The following HTR1F variants were observed in gnomAD, a reference collection of about 807,000 sequenced individuals.
HTR1F encodes 5-hydroxytryptamine (serotonin) receptor 1F, G protein-coupled.
In HTR1F, 17 loss-of-function variants were observed where a neutral mutation model predicts 24.0. The observed-to-expected ratio is 0.71, with a 90% CI of 0.48 to 1.06. The LOEUF (loss-of-function observed/expected upper bound fraction) is 1.06. Ranked by LOEUF, HTR1F falls within the 50% of genes least tolerant of loss-of-function variation. The pLI, the probability that HTR1F is intolerant of heterozygous loss-of-function variation, is 0.00. For missense variants in HTR1F, 391 were observed against 427.8 expected (o/e 0.91, Z 0.76); for synonymous variants, 186 against 156.8 (o/e 1.19, Z -1.39).
intron 1 of HTR1F, among the ~76,000 whole-genome samples, chr3:87,795,649 A>G (rs555449785): frequency 9.8e-5 from 15 of 152,312 alleles, no homozygotes; most frequent in African/African-American, 3.6e-4. Flanking sequence ...CTAGAACCAC[A>G]GTTCCCGTGC....
At chr3:87,872,514 T>G (rs760984829) in intron 2 of HTR1F, among the ~76,000 whole-genome samples, 40 of 152,080 alleles carry the variant, frequency 2.6e-4, no homozygotes, top group Non-Finnish European at 4.3e-4. Context: ...TCAATATATT[T>G]GGCAAACCCT....
At chr3:87,855,930 A>G (rs1705188589) in intron 2 of HTR1F, among the ~76,000 whole-genome samples, 1 of 151,950 alleles carries the variant, frequency 6.6e-6, no homozygotes, top group Non-Finnish European at 1.5e-5. Flanking sequence ...ATTTTTCTTT[A>G]TAATGGCCCT....
intron 2 of HTR1F, among the ~76,000 whole-genome samples, chr3:87,853,494 A>C (rs888043926): frequency 6.6e-6 from 1 of 152,064 alleles, no homozygotes; most frequent in Non-Finnish European, 1.5e-5. Flanking sequence ...GGTTGATTCC[A>C]TGTCATTGCT....
chr3:87,923,231 C>T (rs1203555214), intron 2 of HTR1F, among the ~76,000 whole-genome samples: 6 of 151,650 alleles, frequency 4.0e-5, no homozygotes, highest in Non-Finnish European at 8.9e-5. Flanking sequence ...GCTCAGGATC[C>T]CATTAGCCAT....
intron 2 of HTR1F, among the ~76,000 whole-genome samples, chr3:87,832,561 C>CA (rs2107156407): frequency 6.6e-6 from 1 of 152,290 alleles, no homozygotes; most frequent in East Asian, 1.9e-4. Context: ...CTCCTGAACT[C>CA]AGGCAGTCCG....
chr3:87,890,764 A>T lies in HTR1F; in HGVS notation c.-43+68640A>T, dbSNP rs563918468. Among the ~76,000 whole-genome samples the T allele has an allele frequency of 4.4e-4, 67 of 152,290 alleles. No individual in the cohort carries two copies. The South Asian group carries it at 0.013, about 29-fold the overall frequency. ...ATTCCAAAATAGAGTTTATTATTTT[A>T]AAAAGTACACAAATATTGATGCTAG... is the stretch of plus-strand genomic sequence containing the variant. On this transcript the variant is annotated intron_variant, in intron 2 of 2. Transcript: ENST00000319595.
chr3:87,899,168 T>A (rs1864617), intron 2 of HTR1F, among the ~76,000 whole-genome samples: 1 of 152,008 alleles, frequency 6.6e-6, no homozygotes, highest in Non-Finnish European at 1.5e-5. Context: ...CCTTTGACAA[T>A]GCTAGGCAAG....
At chr3:87,835,202 GC>G (rs1156981085) in intron 2 of HTR1F, among the ~76,000 whole-genome samples, 2 of 152,092 alleles carry the variant, frequency 1.3e-5, no homozygotes, top group Non-Finnish European at 2.9e-5. Context: ...TCTGCTCAGG[GC>G]TGGCTACATA....
chr3:87,873,133 C>CACACAGAGAG (rs370152361), intron 2 of HTR1F, among the ~76,000 whole-genome samples: 6,826 of 129,874 alleles, frequency 0.053, 189 homozygotes, highest in South Asian at 0.072. Context: ...CACACACACA[C>CACACAGAGAG]AGAGAGATTT....
chr3:87,821,748 A>C (rs1704363408), intron 1 of HTR1F, among the ~76,000 whole-genome samples: 1 of 152,148 alleles, frequency 6.6e-6, no homozygotes, highest in Admixed American at 6.5e-5. Context: ...TTAATTACAA[A>C]AGGAATAAGC....
At chr3:87,923,935 G>A (rs1704067667) in intron 2 of HTR1F, among the ~76,000 whole-genome samples, 1 of 152,022 alleles carries the variant, frequency 6.6e-6, no homozygotes, top group Admixed American at 6.6e-5. Context: ...GTTCATTGAG[G>A]ATATTGGCCT....
chr3:87,902,795 G>T (rs1706358004), intron 2 of HTR1F, among the ~76,000 whole-genome samples: 1 of 127,434 alleles, frequency 7.8e-6, no homozygotes, highest in Admixed American at 1.0e-4. Context: ...TCCCCTTCCT[G>T]TGTCCATGTG....
intron 2 of HTR1F, among the ~76,000 whole-genome samples, chr3:87,883,844 T>A (rs1260364854): frequency 2.0e-5 from 3 of 152,088 alleles, no homozygotes; most frequent in Admixed American, 1.3e-4. Context: ...TGGGACTATA[T>A]GAAAAGACCA....
At chr3:87,957,866 C>A (rs1319397101) in intron 2 of HTR1F, among the ~76,000 whole-genome samples, 2 of 151,066 alleles carry the variant, frequency 1.3e-5, no homozygotes, top group Non-Finnish European at 3.0e-5. Flanking sequence ...AAAGAAACAT[C>A]TTTTGGCTTT....
chr3:87,960,277 T>A (rs980827953), intron 2 of HTR1F, among the ~76,000 whole-genome samples: 3 of 151,942 alleles, frequency 2.0e-5, no homozygotes, highest in African/African-American at 7.2e-5. Flanking sequence ...GCTACTAATA[T>A]GCAATTTGGA....
At chr3:87,801,241 A>G (rs1175505302) in intron 1 of HTR1F, among the ~76,000 whole-genome samples, 2 of 152,220 alleles carry the variant, frequency 1.3e-5, no homozygotes, top group African/African-American at 4.8e-5. Context: ...CTTTGGTGCT[A>G]ATTTAGCTTC....
At chr3:87,837,788 T>G (rs1704712004) in intron 2 of HTR1F, among the ~76,000 whole-genome samples, 1 of 152,084 alleles carries the variant, frequency 6.6e-6, no homozygotes, top group South Asian at 2.1e-4. Flanking sequence ...ACTTAGCCCA[T>G]TTTCTGGCAT....
chr3:87,843,780 T>C (rs1326715998), intron 2 of HTR1F, among the ~76,000 whole-genome samples: 1 of 151,248 alleles, frequency 6.6e-6, no homozygotes, highest in Non-Finnish European at 1.5e-5. Context: ...ATGCGGTGTT[T>C]GGTTTTCTGT....
intron 2 of HTR1F, among the ~76,000 whole-genome samples, chr3:87,921,171 T>C (rs552701139): frequency 8.5e-5 from 13 of 152,128 alleles, no homozygotes; most frequent in Admixed American, 2.6e-4. Context: ...GATTAAACCA[T>C]TTAACATATC....
Sources: allele counts gnomAD v4.1 joint callset (sites outside exome capture counted in the v4.1 genomes callset), GRCh38; gene constraint gnomAD v4.1.1; transcripts MANE v1.5; gene names NCBI Gene and HGNC (gene_info 2026-07-23, HGNC 2026-07-21).